PLG: variants seen among roughly 807,000 people sequenced by gnomAD.
PLG encodes plasmin.
In PLG, 41 loss-of-function variants were observed where a neutral mutation model predicts 104.4. The observed-to-expected ratio is 0.39, with a 90% confidence interval of 0.31 to 0.51. The LOEUF is 0.51. Among genes scored for constraint, PLG ranks in the 20% least tolerant of loss-of-function variants. The pLI is 0.76. For missense variants in PLG, 891 were observed against 1,003.6 expected (o/e 0.89, Z 1.52); for synonymous variants, 337 against 357.1 (o/e 0.94, Z 0.63).
chr6:160,712,860 A>C, intron 4 of PLG, 126 bp from the exon 5 acceptor site: 1 of 775,330 alleles, frequency 1.3e-6, no homozygotes, highest in Non-Finnish European at 2.3e-6. Flanking sequence ...CAAATGCTGC[A>C]GCACCCAGCT....
chr6:160,716,610 G>A (rs1777735969), intron 6 of PLG, 35 bp from the exon 7 acceptor site: 2 of 1,172,642 alleles, frequency 1.7e-6, no homozygotes, highest in Middle Eastern at 1.9e-4. Context: ...GAATGTAAAT[G>A]TTCAGTGCTA....
At chr6:160,710,834 C>T (rs879168137) in intron 3 of PLG, among the ~76,000 whole-genome samples, 6 of 152,180 alleles carry the variant, frequency 3.9e-5, no homozygotes, top group South Asian at 2.1e-4. Flanking sequence ...CACTGTGCCC[C>T]GTGTGTCCCC....
rs1778125094 is a variant in PLG at position 160,738,419 on chromosome 6, T to A, written c.1803-119T>A. 2 of 768,458 alleles carry A rather than the reference T, an allele frequency of 2.6e-6. No homozygotes were observed. The highest frequency in any genetic ancestry group is 4.7e-6 in the Non-Finnish European group (2 of 423,600). The allele number at this position is 768,458 out of a possible 1,614,324, so 47.6% of individuals were successfully genotyped here. A position where few individuals can be genotyped will look rare whatever the true frequency, so the allele number is the denominator to read the frequency against. On this transcript the variant is annotated intron_variant, in intron 14 of 18. Transcript: ENST00000308192. The surrounding 1 kb of genome is among the most constrained non-coding windows in gnomAD (Gnocchi z 6.8). ...CATCCTGATGCTGGGCTTGCAGTCC[T>A]TTCCTTTGGGAATATGAACATGGTC...
Position 160,719,622 on chromosome 6 carries a change from ATTGAGT to A in PLG, c.1096+787_1096+792del, listed in dbSNP as rs1449145334. 3.3e-5 allele frequency among the ~76,000 whole-genome samples: 5 copies of A among 152,088 alleles called. No homozygotes were observed. Among genetic ancestry groups the A allele is most frequent in the Non-Finnish European group, 5.9e-5 (4 of 68,002 alleles). The stretch of plus-strand genomic sequence containing the variant: ...TTCATCTTTTTCTGCCTTCATTTAG[ATTGAGT>A]TTATCTCCACTACTCACTTAGTAAA... On this transcript the variant is annotated intron_variant, in intron 9 of 18. Transcript: ENST00000308192. The surrounding 1 kb of genome is among the most constrained non-coding windows in gnomAD (Gnocchi z 4.1).
At position 160,732,466 on chromosome 6, in the gene PLG, C is replaced by T. The variant is rs1050162837; in HGVS notation, c.1587+573C>T. On this transcript the variant is annotated intron_variant, in intron 12 of 18. Coordinates refer to ENST00000308192, the MANE Select transcript of PLG (RefSeq NM_000301.5). The surrounding 1 kb of genome is among the most constrained non-coding windows in gnomAD (Gnocchi z 4.5). ...TTCTCCTCACACCCCAAGCGAGTCTCCAGCAGATACCAGCTGGGTGTCCTA... is the reference window on the plus strand; with the variant it reads ...TTCTCCTCACACCCCAAGCGAGTCTTCAGCAGATACCAGCTGGGTGTCCTA... Among the ~76,000 whole-genome samples the T allele has an allele frequency of 2.0e-5, 3 of 152,254 alleles. No individual in the cohort carries two copies. The highest frequency in any genetic ancestry group is 2.1e-4 in the South Asian group (1 of 4,824).
Position 160,732,540 on chromosome 6 carries a change from A to T in PLG, c.1587+647A>T, listed in dbSNP as rs1448594573. Among the ~76,000 whole-genome samples the T allele has an allele frequency of 2.6e-5, 4 of 152,168 alleles. No homozygotes were observed. The highest frequency in any genetic ancestry group is 4.4e-5 in the Non-Finnish European group (3 of 68,034). On this transcript the variant is annotated intron_variant, in intron 12 of 18. Coordinates refer to ENST00000308192, the MANE Select transcript of PLG (RefSeq NM_000301.5). This position sits in a 1 kb window ranked among gnomAD's most constrained non-coding sequence, Gnocchi z 4.5. ...CTATCTGGAGACAGTGTCAGATCCC[A>T]TAAGTTAAGGCTCAGTCCCACAAGA...
Position 160,716,732 on chromosome 6 carries a change from G to C in PLG, c.756G>C (p.Lys252Asn), listed in dbSNP as rs1289270869. The C allele has an allele frequency of 6.2e-7, 1 of 1,612,276 alleles. No individual in the cohort carries two copies. The highest frequency in any genetic ancestry group is 1.7e-5 in the Admixed American group (1 of 60,026). ...RPWCFTTDPN[K>N]RWELCDIPRC... The stretch of plus-strand genomic sequence containing the variant: ...GGTGTTTCACCACCGACCCCAACAA[G>C]CGCTGGGAACTTTGTGACATCCCCC... Residue 252 changes from lysine to asparagine, a missense_variant, in exon 7 of 19, where the codon AAG (lysine) becomes AAC (asparagine). Transcript: ENST00000308192.
At chr6:160,708,447 G>A (rs748728554) in intron 3 of PLG, 36 of 152,456 alleles carry the variant, frequency 2.4e-4, no homozygotes, top group Non-Finnish European at 4.4e-4. Context: ...GAAATTGCAT[G>A]CCTTTTTAGA....
At position 160,732,606 on chromosome 6, in the gene PLG, A is replaced by T. The variant is rs1321650638; in HGVS notation, c.1587+713A>T. On this transcript the variant is annotated intron_variant, in intron 12 of 18. Coordinates refer to ENST00000308192, the MANE Select transcript of PLG (RefSeq NM_000301.5). This position sits in a 1 kb window ranked among gnomAD's most constrained non-coding sequence, Gnocchi z 4.5. ...TGCCAATCCCAAGTTCCAGGCGGTG[A>T]CCTGTACTTCTGCCCAACTGGACAA... is the stretch of plus-strand genomic sequence containing the variant. Among the ~76,000 whole-genome samples the T allele has an allele frequency of 1.3e-5, 2 of 152,178 alleles. No homozygotes were observed. Among genetic ancestry groups the T allele is most frequent in the Non-Finnish European group, 2.9e-5 (2 of 68,028 alleles).
Position 160,741,255 on chromosome 6 carries a change from G to A in PLG, c.2019-56G>A. ...CTCAAGACAGGGATGACTGGTTGTG[G>A]GTACTGCAGCTGCGAGCAGAGCAGT... On this transcript the variant is annotated intron_variant, in intron 16 of 18. Coordinates refer to ENST00000308192, the MANE Select transcript of PLG (RefSeq NM_000301.5). The surrounding 1 kb of genome is among the most constrained non-coding windows in gnomAD (Gnocchi z 4.7). The A allele has an allele frequency of 1.7e-6, 2 of 1,193,720 alleles. No homozygotes were observed. The highest frequency in any genetic ancestry group is 2.4e-5 in the South Asian group (2 of 82,716). The allele number at this position is 1,193,720 out of a possible 1,614,324, so 73.9% of individuals were successfully genotyped here. A position where few individuals can be genotyped will look rare whatever the true frequency, so the allele number is the denominator to read the frequency against.
intron 5 of PLG, 148 bp downstream of exon 5, chr6:160,713,273 A>ATTTTTTT: frequency 1.7e-6 from 1 of 585,994 alleles, no homozygotes; most frequent in African/African-American, 1.9e-5. Context: ...ATTAACCTGA[A>ATTTTTTT]TTTTTTTTTT....
intron 9 of PLG, among the ~76,000 whole-genome samples, chr6:160,720,405 C>CTTTTTTTTTTT (rs1190930860): frequency 1.6e-5 from 1 of 61,826 alleles, no homozygotes; most frequent in African/African-American, 6.2e-5. Context: ...TTTTTCTTTT[C>CTTTTTTTTTTT]TTTTCTTTTT....
At chr6:160,748,417 G>GAAAGAAAAAGAAAAAGAAAGAAAGGGAAA (rs1554252983) in intron 17 of PLG, among the ~76,000 whole-genome samples, 1 of 62,362 alleles carries the variant, frequency 1.6e-5, no homozygotes, top group African/African-American at 6.4e-5. Flanking sequence ...AGAAAGAAAG[G>GAAAGAAAAAGAAAAAGAAAGAAAGGGAAA]GAAAGAAAGA....
chr6:160,731,920 G>C lies in PLG; in HGVS notation c.1587+27G>C. On this transcript the variant is annotated intron_variant, in intron 12 of 18. Coordinates refer to ENST00000308192, the MANE Select transcript of PLG (RefSeq NM_000301.5). The surrounding 1 kb of genome is among the most constrained non-coding windows in gnomAD (Gnocchi z 5.1). The stretch of plus-strand genomic sequence containing the variant: ...TAAGCCACTTTGATTTGGACTCTTT[G>C]GCCTTTTGCTCACCAATCTTTGCAA... The C allele has an allele frequency of 6.2e-7, 1 of 1,612,162 alleles. No homozygotes were observed. Among genetic ancestry groups the C allele is most frequent in the Non-Finnish European group, 8.5e-7 (1 of 1,178,388 alleles).
Position 160,718,679 on chromosome 6 carries a change from C to A in PLG, c.951-14C>A, listed in dbSNP as rs757902164. The A allele has an allele frequency of 5.0e-6, 8 of 1,613,682 alleles. No homozygotes were observed. In the Admixed American group the frequency reaches 1.2e-4, roughly 24 times the overall value. On this transcript the variant is annotated splice_polypyrimidine_tract_variant and intron_variant, in intron 8 of 18. Coordinates refer to ENST00000308192, the MANE Select transcript of PLG (RefSeq NM_000301.5). ...CTTTTTGGAAAGCTAAACTCACAAT[C>A]ACTTCTTTTTCAGAAATTTGGATGA...
chr6:160,730,091 G>C (rs1275091808), intron 10 of PLG, among the ~76,000 whole-genome samples: 1 of 152,276 alleles, frequency 6.6e-6, no homozygotes, highest in Middle Eastern at 3.4e-3. Flanking sequence ...TCATGAATGT[G>C]AGGATTCTGA....
At chr6:160,742,005 T>C (rs1177384870) in intron 17 of PLG, among the ~76,000 whole-genome samples, 1 of 152,240 alleles carries the variant, frequency 6.6e-6, no homozygotes, top group Admixed American at 6.5e-5. Context: ...TTCTTTCTTA[T>C]GGCTAAACAG....
At position 160,739,654 on chromosome 6, in the gene PLG, G is replaced by T. The variant is rs903039297; in HGVS notation, c.2018+446G>T. On this transcript the variant is annotated intron_variant, in intron 16 of 18. Coordinates refer to ENST00000308192, the MANE Select transcript of PLG (RefSeq NM_000301.5). The surrounding 1 kb of genome is among the most constrained non-coding windows in gnomAD (Gnocchi z 4.4). ...TGGGTGCCTGTAATCCCAGCTACTT[G>T]GGAGGCTGAGGCAGGAGGGTCACTT... Among the ~76,000 whole-genome samples, 2 of 151,774 alleles carry T rather than the reference G, an allele frequency of 1.3e-5. No homozygotes were observed. Among genetic ancestry groups the T allele is most frequent in the African/African-American group, 4.8e-5 (2 of 41,412 alleles).
chr6:160,702,989 GTGTGAA>G (rs1179636820), intron 1 of PLG, among the ~76,000 whole-genome samples: 1 of 152,168 alleles, frequency 6.6e-6, no homozygotes, highest in Non-Finnish European at 1.5e-5. Flanking sequence ...ACATACCTGT[GTGTGAA>G]TGTGAGTGTG....
Sources: allele counts gnomAD v4.1 joint callset (sites outside exome capture counted in the v4.1 genomes callset), GRCh38; gene constraint gnomAD v4.1.1; non-coding constraint Gnocchi (gnomAD v3.1); transcripts MANE v1.5; gene names NCBI Gene and HGNC (gene_info 2026-07-23, HGNC 2026-07-21).